WDR55: variants seen among roughly 807,000 people sequenced by gnomAD.
WDR55 encodes WD repeat domain 55.
WDR55 carries 31 observed loss-of-function variants against 34.0 expected under a neutral mutation model. The observed-to-expected ratio is 0.91, with a 90% CI of 0.69 to 1.23. The LOEUF (loss-of-function observed/expected upper bound fraction) is 1.23. WDR55 is among the 50% of genes most tolerant of loss of function. The probability of loss-of-function intolerance (pLI) is 0.00; values close to 1 mark genes in which losing one functional copy is unlikely to be tolerated. For missense variants in WDR55, 440 were observed against 494.6 expected (o/e 0.89, Z 1.05); for synonymous variants, 164 against 185.9 (o/e 0.88, Z 0.96).
Position 140,669,416 on chromosome 5 carries a change from AC to A in WDR55, c.915del (p.Cys306ValfsTer43), listed in dbSNP as rs1758014227. ...CCTGTGGAGGAGCTGGCCCTCTCCC[AC>A]TGTGGCCGCTTCCTGGCCAGTAGTG... ...GEPVEELALS[H>X]CGRFLASSGH... On this transcript the variant is annotated frameshift_variant, in exon 7 of 7. Coordinates refer to ENST00000358337, the MANE Select transcript of WDR55 (RefSeq NM_017706.5). LOFTEE classifies it high-confidence loss of function. 1.9e-6 allele frequency: 3 copies of A among 1,613,918 alleles called. No individual in the cohort carries two copies. In the African/African-American group the frequency reaches 4.0e-5, roughly 22 times the overall value.
rs2149810290 is a variant in WDR55 at position 140,665,017 on chromosome 5, C to T, written c.105C>T (p.Ile35=). 6.2e-7 allele frequency: 1 copy of T among 1,613,972 alleles called. No homozygotes were observed. Among genetic ancestry groups the T allele is most frequent in the East Asian group, 2.2e-5 (1 of 44,854 alleles). Residue 35 remains isoleucine, a synonymous_variant, in exon 1 of 7, where the codon ATC becomes ATT. Transcript: ENST00000358337. ...GGATCCGGGACACTCCGGAAGACAT[C>T]GTGCTGGAAGCTCCGGCTAGTGGGC... ...PTRIRDTPED[I]VLEAPASGLA...
At chr5:140,666,799 ATG>A (rs1326827455) in intron 1 of WDR55, 11 of 985,352 alleles carry the variant, frequency 1.1e-5, no homozygotes, top group Non-Finnish European at 1.3e-5. Flanking sequence ...TATGACTAGA[ATG>A]TGAAAAAACA....
chr5:140,669,282 G>C, intron 6 of WDR55, 34 bp downstream of exon 6: 1 of 1,613,106 alleles, frequency 6.2e-7, no homozygotes, highest in Non-Finnish European at 8.5e-7. Flanking sequence ...TAGGTCACAG[G>C]AAGGGCAGAC....
chr5:140,667,976 T>G, intron 1 of WDR55: 1 of 317,562 alleles, frequency 3.1e-6, no homozygotes, highest in Non-Finnish European at 5.8e-6. Context: ...CTTTCAAAGA[T>G]GATAAAGAGG....
intron 3 of WDR55, 24 bp downstream of exon 3, chr5:140,668,526 G>A: frequency 1.2e-6 from 2 of 1,613,166 alleles, no homozygotes; most frequent in African/African-American, 1.3e-5. Context: ...CCAATTCTGT[G>A]TATGTGCATG....
chr5:140,671,971 T>A lies in WDR55; in HGVS notation c.*2317T>A. 1 of 615,696 alleles carries A rather than the reference T, an allele frequency of 1.6e-6. No individual in the cohort carries two copies. Among genetic ancestry groups the A allele is most frequent in the Non-Finnish European group, 2.9e-6 (1 of 350,200 alleles). 38.1% of individuals were successfully genotyped at this position (615,696 alleles called of 1,614,324 possible). ...CAAGTTTCCTTGGAGAAGTACTGGTTAATTGCAGGCTTTGTCTGCCTCATA... is the reference window on the plus strand; with the variant it reads ...CAAGTTTCCTTGGAGAAGTACTGGTAAATTGCAGGCTTTGTCTGCCTCATA... On this transcript the variant is annotated 3_prime_UTR_variant, in exon 7 of 7. Coordinates refer to ENST00000358337, the MANE Select transcript of WDR55 (RefSeq NM_017706.5).
In WDR55 at chr5:140,669,121, T is replaced by C. The variant is rs748538054; in HGVS notation, c.703T>C (p.Tyr235His). Residue 235 changes from tyrosine (Y) to histidine (H), a missense_variant, in exon 6 of 7, where the codon TAC becomes CAC. Physicochemically the swap from Tyr to His is moderately conservative, Grantham distance 83. Coordinates refer to ENST00000358337, the MANE Select transcript of WDR55 (RefSeq NM_017706.5). The stretch of plus-strand genomic sequence containing the variant: ...CTGTGGCTCCAGTGAAGGTACCATC[T>C]ACCTCTTCAATTGGAATGGCTTTGG... Reference protein sequence around the residue: ...VACGSSEGTIYLFNWNGFGAT... With the variant: ...VACGSSEGTIHLFNWNGFGAT... 1 of 1,614,074 alleles carries C rather than the reference T, an allele frequency of 6.2e-7. No homozygotes were observed. The highest frequency in any genetic ancestry group is 2.2e-5 in the East Asian group (1 of 44,888).
Position 140,669,592 on chromosome 5 carries a change from G to T in WDR55, c.1090G>T (p.Glu364Ter). The T allele has an allele frequency of 6.2e-7, 1 of 1,614,164 alleles. No homozygotes were observed. Among genetic ancestry groups the T allele is most frequent in the Non-Finnish European group, 8.5e-7 (1 of 1,180,014 alleles). ...STDDFFAGLR[E>*]EGEDSMAQEE... ...CGATGACTTCTTCGCAGGACTGAGG[G>T]AAGAGGGAGAAGACTCCATGGCTCA... Residue 364 changes from glutamate (E) to a stop codon, truncating the protein, a stop_gained, in exon 7 of 7, where the codon GAA becomes TAA. Transcript: ENST00000358337. LOFTEE classifies it high-confidence loss of function.
At position 140,670,018 on chromosome 5, in the gene WDR55, C is replaced by CGAGATCT; in HGVS notation, c.*364_*365insGAGATCT. On this transcript the variant is annotated 3_prime_UTR_variant, in exon 7 of 7. Coordinates refer to ENST00000358337, the MANE Select transcript of WDR55 (RefSeq NM_017706.5). ...TGCTGGGATTACAGGCACGAGCCAC[C>CGAGATCT]ACACCTGGCCAAAAAAATTTATATT... 1 of 192,924 alleles carries CGAGATCT rather than the reference C, an allele frequency of 5.2e-6. No homozygotes were observed. The highest frequency in any genetic ancestry group is 1.1e-5 in the Non-Finnish European group (1 of 94,228). 12.0% of individuals were successfully genotyped at this position (192,924 alleles called of 1,614,324 possible). A position where few individuals can be genotyped will look rare whatever the true frequency, so the allele number is the denominator to read the frequency against.
rs567842974 is a variant in WDR55 at position 140,671,191 on chromosome 5, CCCA to C, written c.*1540_*1542del. On this transcript the variant is annotated 3_prime_UTR_variant, in exon 7 of 7. Coordinates refer to ENST00000358337, the MANE Select transcript of WDR55 (RefSeq NM_017706.5). The stretch of plus-strand genomic sequence containing the variant: ...TGATGGGCCTGGGCCCATGCCCCTC[CCCA>C]CCTTTGGGGGTCAGAAAGTGGCCAC... The C allele has an allele frequency of 2.7e-4, 408 of 1,487,524 alleles. 1 individual carries two copies. The African/African-American group carries it at 4.6e-3, about 17-fold the overall frequency. 92.1% of individuals were successfully genotyped at this position (1,487,524 alleles called of 1,614,324 possible).
At chr5:140,668,869 C>CCTA in intron 4 of WDR55, 22 bp from the exon 5 acceptor site, 2 of 1,614,144 alleles carry the variant, frequency 1.2e-6, no homozygotes, top group Non-Finnish European at 1.7e-6. Flanking sequence ...TGCGTCTAAG[C>CCTA]CTACTGCTCT....
Position 140,671,954 on chromosome 5 carries a change from C to T in WDR55, c.*2300C>T. Reference sequence around the variant, plus strand: ...AACACACTGCTACCTTACAAGTTTCCTTGGAGAAGTACTGGTTAATTGCAG... The same window carrying T: ...AACACACTGCTACCTTACAAGTTTCTTTGGAGAAGTACTGGTTAATTGCAG... On this transcript the variant is annotated 3_prime_UTR_variant, in exon 7 of 7. Transcript: ENST00000358337. The T allele has an allele frequency of 1.6e-6, 1 of 634,136 alleles. No individual in the cohort carries two copies. The highest frequency in any genetic ancestry group is 2.7e-5 in the Admixed American group (1 of 36,528). 39.3% of individuals were successfully genotyped at this position (634,136 alleles called of 1,614,324 possible). A position where few individuals can be genotyped will look rare whatever the true frequency, so the allele number is the denominator to read the frequency against.
In WDR55 at chr5:140,669,597, G is replaced by C; in HGVS notation, c.1095G>C (p.Glu365Asp). 6.2e-7 allele frequency: 1 copy of C among 1,614,114 alleles called. No individual in the cohort carries two copies. Among genetic ancestry groups the C allele is most frequent in the South Asian group, 1.1e-5 (1 of 91,066 alleles). Reference protein sequence around the residue: ...TDDFFAGLREEGEDSMAQEEK... With the variant: ...TDDFFAGLREDGEDSMAQEEK... The stretch of plus-strand genomic sequence containing the variant: ...ACTTCTTCGCAGGACTGAGGGAAGA[G>C]GGAGAAGACTCCATGGCTCAGGAAG... The change falls in exon 7 of 7, where the codon GAG (glutamate) becomes GAC (aspartate). Residue 365 changes from glutamate (E) to aspartate (D), a missense_variant. Glu to Asp is a conservative substitution (Grantham distance 45, BLOSUM62 2). Transcript: ENST00000358337.
rs1017126630 is a variant in WDR55 at position 140,671,804 on chromosome 5, C to T, written c.*2150C>T. 4 of 1,541,580 alleles carry T rather than the reference C, an allele frequency of 2.6e-6. No individual in the cohort carries two copies. Among genetic ancestry groups the T allele is most frequent in the African/African-American group, 2.7e-5 (2 of 72,904 alleles). On this transcript the variant is annotated 3_prime_UTR_variant, in exon 7 of 7. Transcript: ENST00000358337. ...GGTCTAAACCCTGGGCCCAAGCCTC[C>T]AGGTGGTGAGCCCTTTGGAGCTACA...
intron 1 of WDR55, chr5:140,667,048 A>C (rs1757941793): frequency 1.0e-6 from 1 of 985,102 alleles, no homozygotes; most frequent in African/African-American, 1.7e-5. Context: ...TGAAAGGGGG[A>C]ATTATACCTA....
In WDR55 at chr5:140,671,194, A is replaced by G; in HGVS notation, c.*1540A>G. ...TGGGCCTGGGCCCATGCCCCTCCCC[A>G]CCTTTGGGGGTCAGAAAGTGGCCAC... On this transcript the variant is annotated 3_prime_UTR_variant, in exon 7 of 7. Coordinates refer to ENST00000358337, the MANE Select transcript of WDR55 (RefSeq NM_017706.5). The G allele has an allele frequency of 6.6e-7, 1 of 1,504,184 alleles. No homozygotes were observed. 93.2% of individuals were successfully genotyped at this position (1,504,184 alleles called of 1,614,324 possible).
chr5:140,667,109 C>T (rs968293699), intron 1 of WDR55: 1 of 985,434 alleles, frequency 1.0e-6, no homozygotes. Context: ...AGCTCTTCAA[C>T]AAATGTAGGT....
chr5:140,669,490 G>A lies in WDR55; in HGVS notation c.988G>A (p.Val330Met), dbSNP rs563455053. ...TTGGGACATGGCCCAGCTGCGAGCT[G>A]TGGTGGTGGATGACTACCGTCGGCG... ...KFWDMAQLRA[V>M]VVDDYRRRKK... The change falls in exon 7 of 7, where the codon GTG becomes ATG. Residue 330 changes from valine (V) to methionine (M), a missense_variant. By Grantham distance (21) the Val-to-Met change is conservative. Transcript: ENST00000358337. 5 of 1,614,154 alleles carry A rather than the reference G, an allele frequency of 3.1e-6. No homozygotes were observed. In the African/African-American group the frequency reaches 5.3e-5, roughly 17 times the overall value.
rs781132943 is a variant in WDR55 at position 140,669,523 on chromosome 5, AAG to A, written c.1022_1023del (p.Lys341ArgfsTer16). On this transcript the variant is annotated frameshift_variant, in exon 7 of 7. Coordinates refer to ENST00000358337, the MANE Select transcript of WDR55 (RefSeq NM_017706.5). LOFTEE classifies it high-confidence loss of function. ...GGATGACTACCGTCGGCGCAAAAAA[AAG>A]GGAGGACCACTGCGGGCTCTGAGCA... is the stretch of plus-strand genomic sequence containing the variant. ...VVDDYRRRKKKGGPLRALSSK... is the reference protein window; with the variant it reads ...VVDDYRRRKKXGGPLRALSSK... The A allele has an allele frequency of 6.2e-7, 1 of 1,614,110 alleles. No homozygotes were observed. Among genetic ancestry groups the A allele is most frequent in the Non-Finnish European group, 8.5e-7 (1 of 1,179,988 alleles).
Sources: gnomAD v4.1 joint callset for allele counts on GRCh38, gnomAD v4.1.1 for gene constraint, MANE v1.5 for transcripts, NCBI Gene and HGNC (gene_info 2026-07-23, HGNC 2026-07-21) for gene names.